Variants in C2orf74 observed in about 807,000 individuals in gnomAD.
C2orf74 encodes uncharacterized protein C2orf74.
A neutral mutation model predicts 17.9 loss-of-function variants in C2orf74; 14 were observed. The ratio of observed to expected loss-of-function variants is 0.78; its 90% CI spans 0.52 to 1.22. The LOEUF is 1.22. Among genes scored for constraint, C2orf74 ranks in the 50% most tolerant of loss-of-function variants. C2orf74 has a pLI of 0.00. For missense variants in C2orf74, 217 were observed against 218.4 expected (o/e 0.99, Z 0.04); for synonymous variants, 79 against 72.6 (o/e 1.09, Z -0.44).
At chr2:61,161,604 C>T (rs1685564706), upstream of C2orf74, 1 of 152,138 alleles carries the variant, frequency 6.6e-6, no homozygotes. Context: ...GTGTGTAATC[C>T]TTTTAATATG....
chr2:61,147,969 A>G (rs142423383), intron 1 of C2orf74, among the ~76,000 whole-genome samples: 11,145 of 151,200 alleles, frequency 0.074, 546 homozygotes, highest in Admixed American at 0.13. Context: ...GGGTTTTGCC[A>G]TGTTGCCCAG....
chr2:61,154,211 G>A (rs1390147981), intron 1 of C2orf74, among the ~76,000 whole-genome samples: 17 of 147,058 alleles, frequency 1.2e-4, no homozygotes, highest in Admixed American at 1.0e-3. Context: ...TTCAGCCTGG[G>A]CAATAAGAGC....
At chr2:61,158,684 C>T (rs562638513), upstream of C2orf74, among the ~76,000 whole-genome samples, 28 of 152,038 alleles carry the variant, frequency 1.8e-4, no homozygotes, top group African/African-American at 5.8e-4. Flanking sequence ...GTGGGGAAGG[C>T]GGAAAATCAG....
intron 1 of C2orf74, among the ~76,000 whole-genome samples, chr2:61,151,003 C>G (rs1248642817): frequency 6.6e-6 from 1 of 152,074 alleles, no homozygotes; most frequent in East Asian, 1.9e-4. Flanking sequence ...GAGGGGCAGC[C>G]TCAGCTAGAA....
chr2:61,156,806 G>A (rs1429541094), intron 1 of C2orf74, among the ~76,000 whole-genome samples: 1 of 152,136 alleles, frequency 6.6e-6, no homozygotes, highest in Non-Finnish European at 1.5e-5. Flanking sequence ...GATTGCTTGA[G>A]CCCAGGAGGT....
chr2:61,152,776 AG>A (rs1685269879), intron 1 of C2orf74, among the ~76,000 whole-genome samples: 1 of 136,148 alleles, frequency 7.3e-6, no homozygotes, highest in East Asian at 2.4e-4. Flanking sequence ...TGAACCTGGG[AG>A]GAGGAGGATG....
intron 2 of C2orf74, 86 bp from the exon 3 acceptor site, chr2:61,162,756 T>C (rs980445540): frequency 1.5e-5 from 17 of 1,167,588 alleles, no homozygotes; most frequent in Admixed American, 4.1e-5. Context: ...AATGCTGATA[T>C]CCTGTTTAAA....
At chr2:61,163,412 T>C (rs1327387866) in intron 4 of C2orf74, among the ~76,000 whole-genome samples, 180 bp downstream of exon 4, 1 of 152,064 alleles carries the variant, frequency 6.6e-6, no homozygotes, top group South Asian at 2.1e-4. Context: ...GAGACCAGCC[T>C]GGCCAACATG....
At chr2:61,147,005 C>CA (rs1685090326) in intron 1 of C2orf74, among the ~76,000 whole-genome samples, 1 of 151,756 alleles carries the variant, frequency 6.6e-6, no homozygotes, top group Non-Finnish European at 1.5e-5. Context: ...ACATCAACAA[C>CA]AAAAAACCTC....
chr2:61,164,002 G>C (rs1685653223), intron 4 of C2orf74, among the ~76,000 whole-genome samples: 1 of 151,914 alleles, frequency 6.6e-6, no homozygotes, highest in Non-Finnish European at 1.5e-5. Flanking sequence ...AACACAGCTG[G>C]GTCCTTCTTG....
At chr2:61,159,656 A>AATCT (rs1224868031), upstream of C2orf74, among the ~76,000 whole-genome samples, 1 of 152,228 alleles carries the variant, frequency 6.6e-6, no homozygotes, top group African/African-American at 2.4e-5. Flanking sequence ...GTAGGGGTAG[A>AATCT]ACATTCACAG....
chr2:61,146,837 CAA>C (rs143624046), intron 1 of C2orf74, among the ~76,000 whole-genome samples: 2 of 143,774 alleles, frequency 1.4e-5, no homozygotes. Context: ...GACTTCGTCT[CAA>C]AAAAAAAAAC....
chr2:61,149,704 A>G (rs1270457719), intron 1 of C2orf74, among the ~76,000 whole-genome samples: 3 of 150,844 alleles, frequency 2.0e-5, no homozygotes, highest in East Asian at 3.9e-4. Flanking sequence ...TCAGCCTCAC[A>G]AGTAGCTGGG....
chr2:61,154,329 C>T (rs1685332004), intron 1 of C2orf74, among the ~76,000 whole-genome samples: 2 of 151,762 alleles, frequency 1.3e-5, no homozygotes, highest in Non-Finnish European at 2.9e-5. Flanking sequence ...ACAAAGCTGT[C>T]AAGGTCATCA....
At chr2:61,161,824 C>T (rs760305720), upstream of C2orf74, 3 of 152,118 alleles carry the variant, frequency 2.0e-5, no homozygotes, top group South Asian at 2.1e-4. Flanking sequence ...GGTAGAATTC[C>T]ACAGTGAAGC....
At chr2:61,146,817 G>T (rs1270869510) in intron 1 of C2orf74, among the ~76,000 whole-genome samples, 1 of 149,436 alleles carries the variant, frequency 6.7e-6, no homozygotes, top group African/African-American at 2.5e-5. Context: ...CCAGCCTGGC[G>T]ACAGAGCAAG....
At chr2:61,153,274 T>C (rs185986687) in intron 1 of C2orf74, among the ~76,000 whole-genome samples, 1 of 151,878 alleles carries the variant, frequency 6.6e-6, no homozygotes, top group East Asian at 1.9e-4. Context: ...AGGATAAAGA[T>C]GTGAAATTTA....
intron 1 of C2orf74, among the ~76,000 whole-genome samples, chr2:61,156,380 A>G (rs1685392292): frequency 2.0e-5 from 3 of 152,158 alleles, no homozygotes; most frequent in African/African-American, 7.2e-5. Flanking sequence ...TCTTTTAAAA[A>G]AGAAAACAAA....
upstream of C2orf74, among the ~76,000 whole-genome samples, chr2:61,157,455 G>A (rs1008543047): frequency 6.6e-6 from 1 of 152,174 alleles, no homozygotes; most frequent in Non-Finnish European, 1.5e-5. Flanking sequence ...TTGCAGTGCT[G>A]TGTTGGTCAG....
Sources: gnomAD v4.1 joint callset for allele counts (sites outside exome capture counted in the v4.1 genomes callset) on GRCh38, gnomAD v4.1.1 for gene constraint, MANE v1.5 for transcripts, NCBI Gene and HGNC (gene_info 2026-07-23, HGNC 2026-07-21) for gene names.